SPOCK3: variants seen among roughly 807,000 people sequenced by gnomAD.
SPOCK3 encodes the protein SPARC (osteonectin), cwcv and kazal like domains proteoglycan 3, also known as testican-3.
A neutral mutation model predicts 56.6 loss-of-function variants in SPOCK3; 30 were observed. The ratio of observed to expected loss-of-function variants is 0.53; its 90% CI spans 0.40 to 0.72. SPOCK3 has a LOEUF of 0.72. SPOCK3 is among the 30% of genes least tolerant of loss of function. The pLI, the probability that SPOCK3 is intolerant of heterozygous loss-of-function variation, is 0.00. For synonymous variants in SPOCK3, 196 were observed against 183.3 expected (o/e 1.07, Z -0.56); for missense variants, 527 against 530.0 (o/e 0.99, Z 0.06).
At chr4:166,871,339 G>A (rs551336373) in intron 6 of SPOCK3, among the ~76,000 whole-genome samples, 5 of 151,986 alleles carry the variant, frequency 3.3e-5, no homozygotes, top group African/African-American at 4.8e-5. Flanking sequence ...TAAAAAGAGG[G>A]CAAAATTAGC....
At chr4:166,818,091 A>G (rs1744559952) in intron 6 of SPOCK3, among the ~76,000 whole-genome samples, 3 of 152,226 alleles carry the variant, frequency 2.0e-5, no homozygotes, top group East Asian at 3.9e-4. Context: ...TTTTGAAAAC[A>G]AAATAGCTAA....
intron 2 of SPOCK3, among the ~76,000 whole-genome samples, chr4:167,090,747 C>A (rs944250611): frequency 1.1e-4 from 16 of 152,116 alleles, no homozygotes; most frequent in Non-Finnish European, 2.4e-4. Flanking sequence ...AGGTGATCCA[C>A]CCACCTCGTC....
chr4:167,064,211 T>A (rs973534720), intron 2 of SPOCK3, among the ~76,000 whole-genome samples: 7 of 151,758 alleles, frequency 4.6e-5, no homozygotes, highest in African/African-American at 1.7e-4. Flanking sequence ...TCAAATTTTT[T>A]AAAAAATGAA....
intron 6 of SPOCK3, among the ~76,000 whole-genome samples, chr4:166,795,876 A>T (rs951924095): frequency 1.6e-4 from 24 of 152,120 alleles, no homozygotes; most frequent in Admixed American, 6.6e-5. Context: ...CTGAATGTTT[A>T]TGCTCCCCCA....
chr4:166,851,964 G>T (rs1397285706), intron 6 of SPOCK3, among the ~76,000 whole-genome samples: 1 of 151,626 alleles, frequency 6.6e-6, no homozygotes, highest in Non-Finnish European at 1.5e-5. Flanking sequence ...ATACTATGCA[G>T]CCATAAAAAA....
intron 4 of SPOCK3, among the ~76,000 whole-genome samples, chr4:166,930,574 C>T (rs1163098457): frequency 2.0e-5 from 3 of 151,638 alleles, no homozygotes; most frequent in Non-Finnish European, 4.4e-5. Context: ...AAAAAAGCAA[C>T]CTTTCATGAG....
intron 6 of SPOCK3, among the ~76,000 whole-genome samples, chr4:166,876,780 A>G (rs1359222786): frequency 1.3e-5 from 2 of 152,276 alleles, no homozygotes; most frequent in East Asian, 3.9e-4. Context: ...AACATAAAAT[A>G]TATGTAGGTG....
intron 7 of SPOCK3, 88 bp downstream of exon 7, chr4:166,792,082 C>T: frequency 6.8e-7 from 1 of 1,462,374 alleles, no homozygotes; most frequent in South Asian, 1.2e-5. Context: ...TGAATAAATA[C>T]TGAAATATGT....
intron 4 of SPOCK3, among the ~76,000 whole-genome samples, chr4:166,955,613 T>C (rs1230039809): frequency 2.1e-5 from 3 of 145,944 alleles, no homozygotes; most frequent in Non-Finnish European, 4.5e-5. Flanking sequence ...CAAATTAGAT[T>C]AAATTTAATA....
chr4:166,902,888 A>C (rs2127062605), intron 5 of SPOCK3, among the ~76,000 whole-genome samples: 1 of 150,776 alleles, frequency 6.6e-6, no homozygotes, highest in African/African-American at 2.4e-5. Context: ...TAAATGTTTA[A>C]ATGTTTCATA....
intron 2 of SPOCK3, among the ~76,000 whole-genome samples, chr4:167,205,203 ATATAT>A (rs1389191692): frequency 3.0e-5 from 3 of 101,530 alleles, no homozygotes; most frequent in Non-Finnish European, 5.5e-5. Flanking sequence ...TATCTATAAT[ATATAT>A]TATATATTAT....
intron 6 of SPOCK3, among the ~76,000 whole-genome samples, chr4:166,852,231 G>T (rs1341837910): frequency 6.6e-6 from 1 of 151,776 alleles, no homozygotes. Flanking sequence ...ACACCAGCAT[G>T]GCACATGTAT....
chr4:167,159,050 C>A (rs556229828), intron 2 of SPOCK3, among the ~76,000 whole-genome samples: 1 of 151,900 alleles, frequency 6.6e-6, no homozygotes, highest in African/African-American at 2.4e-5. Flanking sequence ...TATATGTTAG[C>A]AAAAGCACAG....
At chr4:166,847,651 A>T (rs1579409063) in intron 6 of SPOCK3, among the ~76,000 whole-genome samples, 1 of 78,442 alleles carries the variant, frequency 1.3e-5, no homozygotes, top group South Asian at 4.3e-4. Flanking sequence ...CCTAGTTTAT[A>T]TATATATATA....
At chr4:167,083,880 C>T (rs1757944331) in intron 2 of SPOCK3, among the ~76,000 whole-genome samples, 1 of 152,046 alleles carries the variant, frequency 6.6e-6, no homozygotes, top group Non-Finnish European at 1.5e-5. Flanking sequence ...TTACATTTTT[C>T]TACCAAGATC....
chr4:167,229,464 T>G (rs559186090), intron 2 of SPOCK3, among the ~76,000 whole-genome samples: 1 of 152,240 alleles, frequency 6.6e-6, no homozygotes, highest in African/African-American at 2.4e-5. Flanking sequence ...CAAATTGTTG[T>G]ATTTACTTTC....
chr4:167,131,471 C>G (rs1276281663), intron 2 of SPOCK3, among the ~76,000 whole-genome samples: 2 of 152,078 alleles, frequency 1.3e-5, no homozygotes, highest in Non-Finnish European at 2.9e-5. Context: ...GCTGTGGTGG[C>G]ACACACCTGT....
chr4:167,083,898 G>A (rs1190569814), intron 2 of SPOCK3, among the ~76,000 whole-genome samples: 2 of 152,096 alleles, frequency 1.3e-5, no homozygotes, highest in Non-Finnish European at 2.9e-5. Context: ...ATCACAAAAT[G>A]TTAAATAATG....
chr4:167,217,597 G>A (rs946255198), intron 2 of SPOCK3, among the ~76,000 whole-genome samples: 1 of 151,984 alleles, frequency 6.6e-6, no homozygotes, highest in Non-Finnish European at 1.5e-5. Context: ...GATACTGAGA[G>A]AAGACTGTAT....
Sources: gnomAD v4.1 joint callset for allele counts (sites outside exome capture counted in the v4.1 genomes callset) on GRCh38, gnomAD v4.1.1 for gene constraint, MANE v1.5 for transcripts, NCBI Gene and HGNC (gene_info 2026-07-23, HGNC 2026-07-21) for gene names.